TCTN1: variants seen among roughly 807,000 people sequenced by gnomAD.
The protein encoded by TCTN1 is tectonic family member 1.
In TCTN1, 58 loss-of-function variants were observed where a neutral mutation model predicts 65.8. That is an observed-to-expected ratio of 0.88 (90% CI 0.71 to 1.10). The LOEUF is 1.10. Ranked by LOEUF, TCTN1 falls within the 50% of genes least tolerant of loss-of-function variation. The pLI, the probability that TCTN1 is intolerant of heterozygous loss-of-function variation, is 0.00. For synonymous variants in TCTN1, 273 were observed against 289.1 expected (o/e 0.94, Z 0.57); for missense variants, 645 against 719.4 (o/e 0.90, Z 1.18).
intron 5 of TCTN1, among the ~76,000 whole-genome samples, chr12:110,634,022 A>G (rs945034149): frequency 5.3e-5 from 8 of 152,370 alleles, no homozygotes; most frequent in Middle Eastern, 3.4e-3. Flanking sequence ...TGCCACATCT[A>G]TAATACTAAT....
intron 10 of TCTN1, chr12:110,641,857 G>GT: frequency 3.7e-6 from 2 of 546,360 alleles, no homozygotes; most frequent in Non-Finnish European, 3.2e-6. Context: ...GAAAATGTCA[G>GT]TGTTTTTTTT....
At chr12:110,648,778 G>A in intron 14 of TCTN1, 2 of 305,778 alleles carry the variant, frequency 6.5e-6, no homozygotes, top group Non-Finnish European at 1.2e-5. Context: ...CAGTAGGAGG[G>A]TCCAGGGAAA....
chr12:110,632,320 T>G, intron 4 of TCTN1, 152 bp from the exon 5 acceptor site: 1 of 744,782 alleles, frequency 1.3e-6, no homozygotes, highest in Non-Finnish European at 2.4e-6. Context: ...CAACTAGATG[T>G]GAGCTTCTTG....
At chr12:110,630,663 T>C (rs1023673425) in intron 4 of TCTN1, among the ~76,000 whole-genome samples, 1 of 152,248 alleles carries the variant, frequency 6.6e-6, no homozygotes, top group African/African-American at 2.4e-5. Context: ...GTGTGTATTC[T>C]TCCTGATTTT....
At chr12:110,648,959 C>T (rs550545659) in intron 14 of TCTN1, 84 bp from the exon 15 acceptor site, 141 of 430,060 alleles carry the variant, frequency 3.3e-4, no homozygotes, top group Admixed American at 5.5e-4. Flanking sequence ...GAAACTGAGA[C>T]GAAGCTATTT....
At chr12:110,628,204 C>T in intron 3 of TCTN1, 1 of 1,535,948 alleles carries the variant, frequency 6.5e-7, no homozygotes, top group Non-Finnish European at 8.7e-7. Context: ...TTATTATTGG[C>T]TTCTGTTGTG....
At chr12:110,632,412 G>GT in intron 4 of TCTN1, 60 bp from the exon 5 acceptor site, 1 of 1,573,734 alleles carries the variant, frequency 6.4e-7, no homozygotes, top group Non-Finnish European at 8.7e-7. Flanking sequence ...TGGGTGCCCA[G>GT]TAAGTGTTGA....
chr12:110,621,412 CT>C, intron 2 of TCTN1, among the ~76,000 whole-genome samples: 1 of 151,798 alleles, frequency 6.6e-6, no homozygotes, highest in Non-Finnish European at 1.5e-5. Flanking sequence ...GAAAGTCATT[CT>C]GTTTTCCTCC....
At chr12:110,645,381 G>A (rs575574985) in intron 12 of TCTN1, 3 of 507,946 alleles carry the variant, frequency 5.9e-6, no homozygotes, top group South Asian at 2.0e-5. Flanking sequence ...GCCTCATGGG[G>A]CATTGAGAGG....
chr12:110,620,810 C>CTTTTT (rs1216049794), intron 2 of TCTN1, among the ~76,000 whole-genome samples: 8 of 133,326 alleles, frequency 6.0e-5, no homozygotes, highest in Non-Finnish European at 8.1e-5. Context: ...TTCAAGGCTT[C>CTTTTT]TTTTTTTTTT....
intron 13 of TCTN1, 24 bp from the exon 14 acceptor site, chr12:110,647,725 C>G: frequency 6.2e-7 from 1 of 1,614,096 alleles, no homozygotes; most frequent in Non-Finnish European, 8.5e-7. Context: ...GAGGGTGGGC[C>G]TTGCATCTCT....
chr12:110,648,981 A>AAAAT (rs2067639439), intron 14 of TCTN1, 62 bp from the exon 15 acceptor site: 1 of 447,532 alleles, frequency 2.2e-6, no homozygotes, highest in South Asian at 1.6e-5. Context: ...GAACAGCTTG[A>AAAAT]AAATAAGAGA....
intron 3 of TCTN1, among the ~76,000 whole-genome samples, chr12:110,627,348 C>T (rs781052061): frequency 2.3e-4 from 35 of 152,078 alleles, no homozygotes; most frequent in Admixed American, 1.1e-3. Context: ...CCTCCTGCCT[C>T]GGCCTCTCAA....
intron 7 of TCTN1, among the ~76,000 whole-genome samples, chr12:110,637,708 T>C (rs866522876): frequency 6.6e-6 from 1 of 152,136 alleles, no homozygotes; most frequent in African/African-American, 2.4e-5. Context: ...AGGAATGCAG[T>C]GTGAAAGTCA....
Position 110,644,985 on chromosome 12 carries a change from G to C in TCTN1, c.1350G>C (p.Pro450=). Residue 450 remains proline, a synonymous_variant, in exon 12 of 15, where the codon CCG becomes CCC. Coordinates refer to ENST00000397659, the MANE Select transcript of TCTN1 (RefSeq NM_001082538.3). The surrounding 1 kb of genome is among the most constrained non-coding windows in gnomAD (Gnocchi z 4.6). The stretch of plus-strand genomic sequence containing the variant: ...CACCAAGACTGACTGGAGCTCTCCC[G>C]TGTCAGCTCGTAGCACAGAAGGTGA... ...GCKLRLTGAL[P]CQLVAQKVKS... The C allele has an allele frequency of 6.2e-7, 1 of 1,614,230 alleles. No individual in the cohort carries two copies. Among genetic ancestry groups the C allele is most frequent in the Non-Finnish European group, 8.5e-7 (1 of 1,180,050 alleles).
intron 2 of TCTN1, among the ~76,000 whole-genome samples, chr12:110,623,943 C>T (rs558347594): frequency 3.0e-4 from 46 of 152,058 alleles, no homozygotes; most frequent in Middle Eastern, 3.4e-3. Flanking sequence ...GGCTGGTATA[C>T]GATGATGAAG....
Position 110,614,200 on chromosome 12 carries a change from C to G in TCTN1, c.18C>G (p.Leu6=), listed in dbSNP as rs1302105164. The change falls in exon 1 of 15, where the codon CTC becomes CTG. Residue 6 remains leucine, a synonymous_variant. Coordinates refer to ENST00000397659, the MANE Select transcript of TCTN1 (RefSeq NM_001082538.3). The part of the protein sequence containing the change: MRPRG[L]PPLLVVLLGC... ...CCTGGGAGATGAGGCCGCGAGGTCTCCCGCCGCTCCTGGTGGTGCTCCTGG... is the reference window on the plus strand; with the variant it reads ...CCTGGGAGATGAGGCCGCGAGGTCTGCCGCCGCTCCTGGTGGTGCTCCTGG... 5 of 1,565,976 alleles carry G rather than the reference C, an allele frequency of 3.2e-6. No homozygotes were observed. Among genetic ancestry groups the G allele is most frequent in the Non-Finnish European group, 3.5e-6 (4 of 1,155,944 alleles).
In TCTN1 at chr12:110,639,260, G is replaced by A. The variant is rs1312248436; in HGVS notation, c.844-1123G>A. ...AAATGACAGATTCATCCTATAGTAC[G>A]AGGAGGCTCAGCTACCTTTAGAGGA... On this transcript the variant is annotated intron_variant, in intron 7 of 14. Coordinates refer to ENST00000397659, the MANE Select transcript of TCTN1 (RefSeq NM_001082538.3). This position sits in a 1 kb window ranked among gnomAD's most constrained non-coding sequence, Gnocchi z 4.9. 1.3e-5 allele frequency among the ~76,000 whole-genome samples: 2 copies of A among 152,224 alleles called. No homozygotes were observed. The highest frequency in any genetic ancestry group is 2.9e-5 in the Non-Finnish European group (2 of 68,034).
chr12:110,628,093 A>T, intron 3 of TCTN1: 1 of 1,536,044 alleles, frequency 6.5e-7, no homozygotes, highest in Non-Finnish European at 8.7e-7. Context: ...GTGTGAGAGT[A>T]GAAGTCGGAT....
Sources: gnomAD v4.1 joint callset for allele counts (sites outside exome capture counted in the v4.1 genomes callset) on GRCh38, gnomAD v4.1.1 for gene constraint, Gnocchi (gnomAD v3.1) non-coding constraint, MANE v1.5 for transcripts, NCBI Gene and HGNC (gene_info 2026-07-23, HGNC 2026-07-21) for gene names.